The following TLCD4 variants were observed in gnomAD, a reference collection of about 807,000 sequenced individuals.
TLCD4 encodes TLC domain containing 4, also known as TLC domain-containing protein 4.
In TLCD4, 7 loss-of-function variants were observed where a neutral mutation model predicts 24.2. That is an observed-to-expected ratio of 0.29 (90% CI 0.16 to 0.54). The LOEUF (loss-of-function observed/expected upper bound fraction) is 0.54. Ranked by LOEUF, TLCD4 falls within the 20% of genes least tolerant of loss-of-function variation. The pLI is 0.95. For missense variants in TLCD4, 259 were observed against 313.9 expected (o/e 0.82, Z 1.32); for synonymous variants, 103 against 106.4 (o/e 0.97, Z 0.20).
chr1:95,165,501 T>C (rs1677987083), intron 5 of TLCD4, among the ~76,000 whole-genome samples: 2 of 151,392 alleles, frequency 1.3e-5, no homozygotes, highest in Non-Finnish European at 2.9e-5. Flanking sequence ...GTCTCGCTCT[T>C]GTCCCCCAGG....
chr1:95,180,654 A>T (rs370603896), intron 6 of TLCD4, among the ~76,000 whole-genome samples: 1 of 152,192 alleles, frequency 6.6e-6, no homozygotes, highest in Admixed American at 6.5e-5. Flanking sequence ...GGTTTCTTTT[A>T]TATAAAGTAA....
chr1:95,093,401 T>C, the TLCD4 span, among the ~76,000 whole-genome samples: 1 of 152,242 alleles, frequency 6.6e-6, no homozygotes, highest in Non-Finnish European at 1.5e-5. Context: ...GCATATTGGG[T>C]TGAAAGTGGG....
chr1:95,150,328 A>C lies in TLCD4; in HGVS notation c.304+62A>C, dbSNP rs960405958. The C allele has an allele frequency of 2.0e-5, 31 of 1,584,452 alleles. No individual in the cohort carries two copies. The East Asian group carries it at 6.3e-4, about 32-fold the overall frequency. ...AAACTACTCACGGAATTATACAAAG[A>C]ATATATAGTCTATGCTTTTGGTTTA... On this transcript the variant is annotated intron_variant, in intron 4 of 6. Transcript: ENST00000370203.
intron 5 of TLCD4, chr1:95,163,326 T>C (rs1380077391): frequency 6.6e-6 from 1 of 152,234 alleles, no homozygotes; most frequent in African/African-American, 2.4e-5. Flanking sequence ...CATATAGTTC[T>C]CGTGCCATGG....
intron 5 of TLCD4, among the ~76,000 whole-genome samples, chr1:95,159,639 G>A (rs1677728924): frequency 6.6e-6 from 1 of 152,160 alleles, no homozygotes; most frequent in African/African-American, 2.4e-5. Flanking sequence ...ATGGTTTTAG[G>A]TCTAACATTT....
intron 1 of TLCD4, among the ~76,000 whole-genome samples, chr1:95,142,291 C>CTT (rs33917874): frequency 1.0e-4 from 12 of 116,786 alleles, no homozygotes; most frequent in South Asian, 5.8e-4. Flanking sequence ...TTATAAAAAT[C>CTT]TTTTTTTTTT....
intron 6 of TLCD4, among the ~76,000 whole-genome samples, chr1:95,188,074 T>G (rs1678888069): frequency 6.6e-6 from 1 of 152,084 alleles, no homozygotes; most frequent in Non-Finnish European, 1.5e-5. Context: ...ATACAGTCAC[T>G]TTGGGGCTTT....
the TLCD4 span, among the ~76,000 whole-genome samples, chr1:95,108,429 C>G: frequency 1.3e-5 from 2 of 151,864 alleles, no homozygotes; most frequent in Non-Finnish European, 2.9e-5. Flanking sequence ...GTGGGAGTGC[C>G]GTGGTGCAAT....
rs573911424 is a variant in TLCD4, at chr1:95,126,932, C to A, written c.-12+9315C>A. 1.8e-4 allele frequency among the ~76,000 whole-genome samples: 28 copies of A among 152,312 alleles called. No individual in the cohort carries two copies. The South Asian group carries it at 4.6e-3, about 25-fold the overall frequency. The stretch of plus-strand genomic sequence containing the variant: ...ATAGACTCCACCTCGGGATTGGGGG[C>A]CTGGCGTGGCAGTGTCATTGTTGCA... On this transcript the variant is annotated intron_variant, in intron 1 of 6. Coordinates refer to ENST00000370203, the MANE Select transcript of TLCD4 (RefSeq NM_152487.3).
chr1:95,184,853 A>G lies in TLCD4; in HGVS notation c.474-6697A>G, dbSNP rs1440670585. On this transcript the variant is annotated intron_variant, in intron 6 of 6. Transcript: ENST00000370203. Reference sequence around the variant, plus strand: ...CAACAAAATAAGTGATCTTTCTGCCATGGAAGAGGGAGGTAAGGAGGACAG... The same window carrying G: ...CAACAAAATAAGTGATCTTTCTGCCGTGGAAGAGGGAGGTAAGGAGGACAG... Among the ~76,000 whole-genome samples the G allele has an allele frequency of 2.2e-4, 34 of 152,170 alleles. 1 individual carries two copies. Among genetic ancestry groups the G allele is most frequent in the Admixed American group, 2.2e-3 (34 of 15,282 alleles).
At chr1:95,153,804 A>G (rs968386897) in intron 5 of TLCD4, among the ~76,000 whole-genome samples, 8 of 152,122 alleles carry the variant, frequency 5.3e-5, no homozygotes, top group Admixed American at 2.6e-4. Flanking sequence ...TAGAAAAGCT[A>G]AGAACTATAA....
the TLCD4 span, among the ~76,000 whole-genome samples, chr1:95,105,894 T>TAAAAAAAAAAAA: frequency 6.9e-5 from 8 of 115,360 alleles, no homozygotes; most frequent in South Asian, 5.7e-4. Flanking sequence ...GACTCCGTCT[T>TAAAAAAAAAAAA]AAAAAAAAAA....
intron 5 of TLCD4, among the ~76,000 whole-genome samples, chr1:95,167,118 G>A (rs1006184456): frequency 5.9e-5 from 9 of 151,746 alleles, no homozygotes; most frequent in African/African-American, 2.2e-4. Context: ...CTCAGTATGC[G>A]TCTCATTTTA....
At position 95,195,013 on chromosome 1, in the gene TLCD4, C is replaced by G. The variant is rs929222816; in HGVS notation, c.*3145C>G. On this transcript the variant is annotated 3_prime_UTR_variant, in exon 7 of 7. Coordinates refer to ENST00000370203, the MANE Select transcript of TLCD4 (RefSeq NM_152487.3). ...AAGTGAAATACTATTTATGTTGTTA[C>G]CACCCCTAAGAGTGACTCTGATATA... 1 of 152,112 alleles carries G rather than the reference C, an allele frequency of 6.6e-6. No homozygotes were observed. Among genetic ancestry groups the G allele is most frequent in the African/African-American group, 2.4e-5 (1 of 41,420 alleles). The allele number at this position is 152,112 out of a possible 1,614,324, so 9.4% of individuals were successfully genotyped here.
chr1:95,128,592 A>G (rs928068902), intron 1 of TLCD4, among the ~76,000 whole-genome samples: 2 of 152,194 alleles, frequency 1.3e-5, no homozygotes, highest in African/African-American at 4.8e-5. Flanking sequence ...GAGGGGTTAA[A>G]GAGGTGGGAT....
chr1:95,130,959 C>T (rs2100915596), intron 1 of TLCD4, among the ~76,000 whole-genome samples: 1 of 152,240 alleles, frequency 6.6e-6, no homozygotes, highest in South Asian at 2.1e-4. Context: ...TCAGAAAATT[C>T]CTTTTCTAGT....
intron 6 of TLCD4, among the ~76,000 whole-genome samples, chr1:95,187,880 C>T (rs1179053611): frequency 1.3e-5 from 2 of 152,016 alleles, no homozygotes; most frequent in East Asian, 1.9e-4. Context: ...AGGCGCCTCT[C>T]CTCTTCTTGC....
intron 6 of TLCD4, 48 bp from the exon 7 acceptor site, chr1:95,191,502 C>T (rs781313473): frequency 6.5e-7 from 1 of 1,548,600 alleles, no homozygotes; most frequent in East Asian, 2.3e-5. Context: ...AATGGTTAAT[C>T]CTCAGAGATG....
At chr1:95,111,323 A>AAAAAAAAAAG in the TLCD4 span, among the ~76,000 whole-genome samples, 1 of 128,224 alleles carries the variant, frequency 7.8e-6, no homozygotes. Context: ...CAAAACAAAA[A>AAAAAAAAAAG]AAAAGAAAAG....
Sources: allele counts gnomAD v4.1 joint callset (sites outside exome capture counted in the v4.1 genomes callset), GRCh38; gene constraint gnomAD v4.1.1; transcripts MANE v1.5; gene names NCBI Gene and HGNC (gene_info 2026-07-23, HGNC 2026-07-21).